The following ERG variants were observed in gnomAD, a reference collection of about 807,000 sequenced individuals.
ERG encodes the protein ETS transcription factor ERG, also known as transcriptional regulator ERG.
ERG carries 9 observed loss-of-function variants against 55.3 expected under a neutral mutation model. The observed-to-expected ratio is 0.16, with a 90% CI of 0.10 to 0.28. The LOEUF (loss-of-function observed/expected upper bound fraction) is 0.28. ERG is among the 10% of genes least tolerant of loss of function. ERG has a pLI of 1.00. For synonymous variants in ERG, 223 were observed against 237.3 expected (o/e 0.94, Z 0.55); for missense variants, 434 against 631.6 (o/e 0.69, Z 3.35).
chr21:38,620,904 T>C (rs1183798896), intron 1 of ERG, among the ~76,000 whole-genome samples: 1 of 152,254 alleles, frequency 6.6e-6, no homozygotes, highest in Admixed American at 6.5e-5. Context: ...AAGCACAGCC[T>C]TGTTCAGTAA....
chr21:38,412,686 T>A (rs1355882146), intron 3 of ERG, among the ~76,000 whole-genome samples: 1 of 152,368 alleles, frequency 6.6e-6, no homozygotes, highest in East Asian at 1.9e-4. Context: ...CCTTCTTTTA[T>A]GTTCTTCCTT....
intron 1 of ERG, among the ~76,000 whole-genome samples, chr21:38,612,439 A>G (rs1002502025): frequency 6.6e-6 from 1 of 152,130 alleles, no homozygotes; most frequent in Non-Finnish European, 1.5e-5. Flanking sequence ...CCTGTATGCC[A>G]TGTTTATGTT....
At chr21:38,392,214 A>G in intron 7 of ERG, 162 bp downstream of exon 7, 1 of 720,406 alleles carries the variant, frequency 1.4e-6, no homozygotes, top group East Asian at 2.7e-5. Context: ...ATGGAGAAAG[A>G]ATCACTGCAG....
At chr21:38,529,057 C>A (rs569012023) in intron 2 of ERG, among the ~76,000 whole-genome samples, 1 of 152,214 alleles carries the variant, frequency 6.6e-6, no homozygotes, top group African/African-American at 2.4e-5. Context: ...TCTAGAACCA[C>A]CAAGAAGCCA....
intron 3 of ERG, among the ~76,000 whole-genome samples, chr21:38,412,367 C>A (rs191540549): frequency 5.3e-5 from 8 of 152,000 alleles, no homozygotes; most frequent in African/African-American, 1.7e-4. Context: ...TCCTGTTAAT[C>A]TTTAAACAAA....
chr21:38,438,039 T>C (rs2058807102), intron 2 of ERG, among the ~76,000 whole-genome samples: 1 of 152,212 alleles, frequency 6.6e-6, no homozygotes, highest in Non-Finnish European at 1.5e-5. Context: ...TCTTGGACAC[T>C]AAACAGCAGC....
chr21:38,512,605 T>C (rs1206187024), intron 2 of ERG, among the ~76,000 whole-genome samples: 1 of 152,154 alleles, frequency 6.6e-6, no homozygotes, highest in Non-Finnish European at 1.5e-5. Context: ...TATAATAAGT[T>C]TTAGAAAATT....
At chr21:38,464,061 C>A (rs934836570) in intron 1 of ERG, among the ~76,000 whole-genome samples, 1 of 151,978 alleles carries the variant, frequency 6.6e-6, no homozygotes, top group African/African-American at 2.4e-5. Context: ...AGGATGAGCA[C>A]TGGGGATGGG....
intron 1 of ERG, among the ~76,000 whole-genome samples, chr21:38,660,352 C>T (rs924649790): frequency 2.0e-5 from 3 of 152,180 alleles, no homozygotes; most frequent in African/African-American, 7.2e-5. Context: ...CCTGGGACCC[C>T]GCACTGGCGA....
At chr21:38,578,043 AC>A (rs2060005674) in intron 1 of ERG, among the ~76,000 whole-genome samples, 2 of 152,324 alleles carry the variant, frequency 1.3e-5, no homozygotes, top group South Asian at 4.1e-4. Context: ...CCTCAGCAGC[AC>A]AGCACATGGC....
chr21:38,539,827 G>A lies in ERG; in HGVS notation c.-41+35835C>T, dbSNP rs575549524. Among the ~76,000 whole-genome samples the A allele has an allele frequency of 2.0e-5, 3 of 152,030 alleles. No individual in the cohort carries two copies. The East Asian group carries it at 5.8e-4, about 29-fold the overall frequency. On this transcript the variant is annotated intron_variant, in intron 2 of 8. Transcript: ENST00000398897. ...TGACCCCAGGTTGGCGTCTTGGAGG[G>A]TGAAGCATTTTCCCAGTCCTTCTTT...
chr21:38,483,427 T>G (rs111668222), intron 1 of ERG, among the ~76,000 whole-genome samples: 19 of 152,266 alleles, frequency 1.2e-4, no homozygotes, highest in African/African-American at 4.6e-4. Context: ...AATAAAACTT[T>G]TAAAAAATAA....
chr21:38,551,722 G>GT (rs902357391), intron 2 of ERG, among the ~76,000 whole-genome samples: 3 of 151,916 alleles, frequency 2.0e-5, no homozygotes, highest in Middle Eastern at 3.4e-3. Context: ...TGATTTCAGG[G>GT]TTTTTTTTCA....
At chr21:38,516,303 GT>G (rs2059551112) in intron 2 of ERG, among the ~76,000 whole-genome samples, 1 of 151,642 alleles carries the variant, frequency 6.6e-6, no homozygotes, top group South Asian at 2.1e-4. Context: ...AAAAAAATCA[GT>G]AGCATTTATA....
At chr21:38,619,162 A>G (rs1344082608) in intron 1 of ERG, among the ~76,000 whole-genome samples, 1 of 152,140 alleles carries the variant, frequency 6.6e-6, no homozygotes, top group Non-Finnish European at 1.5e-5. Context: ...TTCCTTCCCC[A>G]TGCTCCAGCC....
At chr21:38,420,815 T>C (rs183585833) in intron 3 of ERG, among the ~76,000 whole-genome samples, 1 of 152,328 alleles carries the variant, frequency 6.6e-6, no homozygotes, top group African/African-American at 2.4e-5. Flanking sequence ...CTTACATCTG[T>C]GATTCAATGA....
chr21:38,523,802 G>A (rs2059611830), intron 2 of ERG, among the ~76,000 whole-genome samples: 1 of 152,218 alleles, frequency 6.6e-6, no homozygotes, highest in Non-Finnish European at 1.5e-5. Flanking sequence ...CAAAAGCCCA[G>A]TGATGGCCCA....
intron 3 of ERG, among the ~76,000 whole-genome samples, chr21:38,421,100 C>G (rs1395476724): frequency 6.6e-6 from 1 of 152,102 alleles, no homozygotes; most frequent in Non-Finnish European, 1.5e-5. Flanking sequence ...GAGTGGGCAC[C>G]TGGGACATTT....
At chr21:38,621,629 G>A (rs547791051) in intron 1 of ERG, among the ~76,000 whole-genome samples, 215 of 152,242 alleles carry the variant, frequency 1.4e-3, no homozygotes, top group African/African-American at 5.1e-3. Context: ...GACTTTTGGA[G>A]GCCATCATTT....
Sources: gnomAD v4.1 joint callset for allele counts (sites outside exome capture counted in the v4.1 genomes callset) on GRCh38, gnomAD v4.1.1 for gene constraint, MANE v1.5 for transcripts, NCBI Gene and HGNC (gene_info 2026-07-23, HGNC 2026-07-21) for gene names.